C3orf20: variants seen among roughly 807,000 people sequenced by gnomAD.
The protein encoded by C3orf20 is family with sequence similarity 149 member C.
In C3orf20, 76 loss-of-function variants were observed where a neutral mutation model predicts 88.3. That is an observed-to-expected ratio of 0.86 (90% confidence interval 0.72 to 1.04). The LOEUF (loss-of-function observed/expected upper bound fraction) is 1.04. C3orf20 is among the 50% of genes least tolerant of loss of function. The probability of loss-of-function intolerance (pLI) is 0.00; values close to 1 mark genes in which losing one functional copy is unlikely to be tolerated. For synonymous variants in C3orf20, 436 were observed against 437.4 expected (o/e 1.00, Z 0.04); for missense variants, 1,056 against 1,123.3 (o/e 0.94, Z 0.86).
At chr3:14,693,335 T>G (rs573909396) in intron 5 of C3orf20, among the ~76,000 whole-genome samples, 3 of 152,230 alleles carry the variant, frequency 2.0e-5, no homozygotes, top group Non-Finnish European at 4.4e-5. Context: ...TTAACAATAT[T>G]TATTCTTCCA....
intron 12 of C3orf20, among the ~76,000 whole-genome samples, chr3:14,754,443 T>A (rs1347987217): frequency 6.6e-6 from 1 of 152,238 alleles, no homozygotes; most frequent in Non-Finnish European, 1.5e-5. Flanking sequence ...ATTCCATGGA[T>A]GCTACTGAGC....
chr3:14,723,308 T>C (rs557643445), intron 10 of C3orf20, among the ~76,000 whole-genome samples: 28 of 152,346 alleles, frequency 1.8e-4, no homozygotes, highest in African/African-American at 6.5e-4. Context: ...TTGTTAGGGG[T>C]CTCCTTTGTT....
intron 5 of C3orf20, among the ~76,000 whole-genome samples, chr3:14,695,843 T>A (rs927439349): frequency 5.3e-5 from 8 of 152,150 alleles, no homozygotes; most frequent in African/African-American, 1.9e-4. Flanking sequence ...GTAACATCTT[T>A]TTTTCGTTCC....
intron 7 of C3orf20, among the ~76,000 whole-genome samples, chr3:14,705,267 A>G (rs2033452678): frequency 6.6e-6 from 1 of 152,250 alleles, no homozygotes; most frequent in Non-Finnish European, 1.5e-5. Context: ...GCACTTATCT[A>G]TACATGCCTG....
intron 12 of C3orf20, among the ~76,000 whole-genome samples, chr3:14,755,019 C>T (rs2035321818): frequency 1.3e-5 from 2 of 152,172 alleles, no homozygotes; most frequent in South Asian, 4.2e-4. Flanking sequence ...GCCACCATGC[C>T]CAGCCCTCCC....
intron 15 of C3orf20, among the ~76,000 whole-genome samples, chr3:14,766,761 C>T (rs983422280): frequency 2.0e-5 from 3 of 152,220 alleles, no homozygotes; most frequent in Admixed American, 2.0e-4. Context: ...CCTCTTAGCT[C>T]AGCCTGCCAG....
intron 13 of C3orf20, among the ~76,000 whole-genome samples, chr3:14,758,364 G>A: frequency 6.6e-6 from 1 of 152,188 alleles, no homozygotes; most frequent in East Asian, 1.9e-4. Flanking sequence ...TTATGGCTGA[G>A]GTCTAAAGGG....
chr3:14,712,725 A>T (rs1046992462), intron 7 of C3orf20, among the ~76,000 whole-genome samples: 1 of 152,210 alleles, frequency 6.6e-6, no homozygotes, highest in Non-Finnish European at 1.5e-5. Flanking sequence ...ATTTACTTAT[A>T]TAGTTAACTT....
Position 14,744,035 on chromosome 3 carries a change from A to G in C3orf20, c.1941-13336A>G, listed in dbSNP as rs150129652. ...CATTAGGCTCCTTGCTGCTTATGCA[A>G]ATTTCTGCAGCCAACTTGAATTTCT... On this transcript the variant is annotated intron_variant, in intron 12 of 16. Transcript: ENST00000253697. Among the ~76,000 whole-genome samples the G allele has an allele frequency of 5.3e-3, 806 of 152,174 alleles. 28 individuals carry two copies. Among genetic ancestry groups the G allele is most frequent in the African/African-American group, 0.018 (765 of 41,416 alleles).
At chr3:14,760,171 C>T (rs1266560188) in intron 14 of C3orf20, among the ~76,000 whole-genome samples, 173 bp downstream of exon 14, 1 of 152,238 alleles carries the variant, frequency 6.6e-6, no homozygotes, top group African/African-American at 2.4e-5. Flanking sequence ...GACCAAGAGT[C>T]ACCCAGCACA....
Position 14,732,873 on chromosome 3 carries a change from A to G in C3orf20, c.1940+4185A>G, listed in dbSNP as rs186506776. Among the ~76,000 whole-genome samples, 150 of 152,318 alleles carry G rather than the reference A, an allele frequency of 9.8e-4. 1 individual carries two copies. In the East Asian group the frequency reaches 0.024, roughly 24 times the overall value. On this transcript the variant is annotated intron_variant, in intron 12 of 16. Transcript: ENST00000253697. ...TATGATCCATTTTGAGTTAATTTTT[A>G]TATAAGGTATAGTGTATGAATTGAA...
intron 9 of C3orf20, among the ~76,000 whole-genome samples, chr3:14,720,639 A>G (rs886855814): frequency 6.6e-6 from 1 of 152,136 alleles, no homozygotes; most frequent in Admixed American, 6.5e-5. Context: ...TTGTAGGTCA[A>G]GGACATTGAA....
At chr3:14,714,270 C>G in intron 8 of C3orf20, 111 bp downstream of exon 8, 1 of 1,228,890 alleles carries the variant, frequency 8.1e-7, no homozygotes, top group South Asian at 1.3e-5. Context: ...CAGGCGGTGT[C>G]CAGAGATCTA....
Position 14,761,614 on chromosome 3 carries a change from A to G in C3orf20, c.2494A>G (p.Ser832Gly). 1 of 1,613,804 alleles carries G rather than the reference A, an allele frequency of 6.2e-7. No homozygotes were observed. ...GYFLPDDYKFSVPNSVLSLED... is the reference protein window; with the variant it reads ...GYFLPDDYKFGVPNSVLSLED... Reference sequence around the variant, plus strand: ...CTTCCTGCCGGATGACTACAAATTCAGGTAAAACAGGAAACACGCAGGATG... The same window carrying G: ...CTTCCTGCCGGATGACTACAAATTCGGGTAAAACAGGAAACACGCAGGATG... Residue 832 changes from serine to glycine, a missense_variant and splice_region_variant, in exon 15 of 17, where the codon AGT becomes GGT. Coordinates refer to ENST00000253697, the MANE Select transcript of C3orf20 (RefSeq NM_032137.5).
chr3:14,714,564 A>G (rs2124960492), intron 8 of C3orf20, among the ~76,000 whole-genome samples: 1 of 152,236 alleles, frequency 6.6e-6, no homozygotes, highest in South Asian at 2.1e-4. Flanking sequence ...TTGCCATCCA[A>G]AGGTTGATAT....
intron 1 of C3orf20, among the ~76,000 whole-genome samples, chr3:14,677,208 T>G (rs1054079466): frequency 6.6e-6 from 1 of 152,192 alleles, no homozygotes; most frequent in East Asian, 1.9e-4. Flanking sequence ...AGGCTTAGTT[T>G]GATTGTCTTC....
At chr3:14,692,750 T>C (rs922517441) in intron 5 of C3orf20, among the ~76,000 whole-genome samples, 2 of 152,212 alleles carry the variant, frequency 1.3e-5, no homozygotes, top group East Asian at 1.9e-4. Flanking sequence ...ATCTGATTTG[T>C]CCATTTTTGT....
chr3:14,724,949 C>T (rs1445476487), intron 10 of C3orf20, among the ~76,000 whole-genome samples: 1 of 152,116 alleles, frequency 6.6e-6, no homozygotes, highest in Non-Finnish European at 1.5e-5. Context: ...GGAAATGTAA[C>T]ATAGGGACAA....
chr3:14,757,221 T>G lies in C3orf20; in HGVS notation c.1941-150T>G. 3 of 644,260 alleles carry G rather than the reference T, an allele frequency of 4.7e-6. No individual in the cohort carries two copies. In the Admixed American group the frequency reaches 8.8e-5, roughly 19 times the overall value. The allele number at this position is 644,260 out of a possible 1,614,324, so 39.9% of individuals were successfully genotyped here. ...AGAGGCCCAGAGAGGTTAGGGGACC[T>G]GTTCAAGGTGGTGCAGCACATTGGC... is the stretch of plus-strand genomic sequence containing the variant. On this transcript the variant is annotated intron_variant, in intron 12 of 16. Transcript: ENST00000253697.
Sources: allele counts gnomAD v4.1 joint callset (sites outside exome capture counted in the v4.1 genomes callset), GRCh38; gene constraint gnomAD v4.1.1; transcripts MANE v1.5; gene names NCBI Gene and HGNC (gene_info 2026-07-23, HGNC 2026-07-21).